RALYL: variants seen among roughly 807,000 people sequenced by gnomAD.
RALYL encodes RNA-binding Raly-like protein.
In RALYL, 29 loss-of-function variants were observed where a neutral mutation model predicts 35.1. The ratio of observed to expected loss-of-function variants is 0.83; its 90% CI spans 0.61 to 1.13. The LOEUF is 1.13. Among genes scored for constraint, RALYL ranks in the 50% most tolerant of loss-of-function variants. The probability of loss-of-function intolerance (pLI) is 0.00; values close to 1 mark genes in which losing one functional copy is unlikely to be tolerated. For missense variants in RALYL, 359 were observed against 360.4 expected (o/e 1.00, Z 0.03); for synonymous variants, 120 against 127.6 (o/e 0.94, Z 0.40).
rs571344002 is a variant in RALYL at position 84,701,072 on chromosome 8, A to G, written c.257-73507A>G. Among the ~76,000 whole-genome samples, 270 of 152,308 alleles carry G rather than the reference A, an allele frequency of 1.8e-3. 1 individual carries two copies. Among genetic ancestry groups the G allele is most frequent in the African/African-American group, 6.0e-3 (248 of 41,590 alleles). ...GATAAGATAAGGAGGAAAGGGTAAGAGAAGGGTCCCACCCATACATCAGGG... is the reference window on the plus strand; with the variant it reads ...GATAAGATAAGGAGGAAAGGGTAAGGGAAGGGTCCCACCCATACATCAGGG... On this transcript the variant is annotated intron_variant, in intron 2 of 8. Coordinates refer to ENST00000521268, the MANE Select transcript of RALYL (RefSeq NM_173848.7).
chr8:84,216,840 T>C (rs1820948432), intron 1 of RALYL, among the ~76,000 whole-genome samples: 2 of 152,284 alleles, frequency 1.3e-5, no homozygotes. Flanking sequence ...AAATTGGAAA[T>C]AGCAGGTGTA....
chr8:84,546,995 T>C (rs1170747429), intron 2 of RALYL, among the ~76,000 whole-genome samples: 1 of 152,188 alleles, frequency 6.6e-6, no homozygotes, highest in Non-Finnish European at 1.5e-5. Context: ...GGGATACATG[T>C]GCAGAACGTG....
intron 5 of RALYL, among the ~76,000 whole-genome samples, chr8:84,850,582 T>G (rs1032377044): frequency 1.3e-5 from 2 of 152,222 alleles, no homozygotes; most frequent in Non-Finnish European, 2.9e-5. Flanking sequence ...TTCTCTTCTC[T>G]ATAAACTAAT....
At chr8:84,509,109 C>A (rs2057402790) in intron 1 of RALYL, among the ~76,000 whole-genome samples, 2 of 152,128 alleles carry the variant, frequency 1.3e-5, no homozygotes, top group Admixed American at 1.3e-4. Context: ...AAGAGAAATT[C>A]CTAAAAATAA....
intron 1 of RALYL, among the ~76,000 whole-genome samples, chr8:84,344,332 T>C (rs1468952131): frequency 6.6e-6 from 1 of 152,088 alleles, no homozygotes; most frequent in Non-Finnish European, 1.5e-5. Flanking sequence ...ACTTTATAAT[T>C]GTATGTATTT....
intron 6 of RALYL, among the ~76,000 whole-genome samples, chr8:84,863,321 T>C (rs374273375): frequency 7.2e-5 from 11 of 152,092 alleles, no homozygotes; most frequent in African/African-American, 2.4e-4. Flanking sequence ...GGAGAGAAAA[T>C]GGTCAGTGCA....
chr8:84,193,941 T>C lies in RALYL; in HGVS notation c.-24+9517T>C, dbSNP rs543662773. Among the ~76,000 whole-genome samples, 554 of 152,238 alleles carry C rather than the reference T, an allele frequency of 3.6e-3. 3 individuals carry two copies. Among genetic ancestry groups the C allele is most frequent in the African/African-American group, 0.013 (534 of 41,552 alleles). Reference sequence around the variant, plus strand: ...CTGAGAAAGAGAGCAAGGGCAGCTCTACGAGATGAACAGAATAAGAACTGG... The same window carrying C: ...CTGAGAAAGAGAGCAAGGGCAGCTCCACGAGATGAACAGAATAAGAACTGG... On this transcript the variant is annotated intron_variant, in intron 1 of 8. Transcript: ENST00000521268.
chr8:84,657,172 G>A (rs186776937), intron 2 of RALYL, among the ~76,000 whole-genome samples: 8 of 152,212 alleles, frequency 5.3e-5, no homozygotes, highest in African/African-American at 1.9e-4. Context: ...TGTTGCAGTG[G>A]CAATTTCCTT....
At chr8:84,915,777 A>G (rs1047869776) in intron 8 of RALYL, among the ~76,000 whole-genome samples, 14 of 152,224 alleles carry the variant, frequency 9.2e-5, no homozygotes, top group Non-Finnish European at 1.8e-4. Context: ...ACATCATTAC[A>G]TCTTATCAAA....
chr8:84,272,974 A>G lies in RALYL; in HGVS notation c.-24+88550A>G, dbSNP rs547258016. Among the ~76,000 whole-genome samples, 7 of 152,370 alleles carry G rather than the reference A, an allele frequency of 4.6e-5. No homozygotes were observed. The East Asian group carries it at 5.8e-4, about 13-fold the overall frequency. Reference sequence around the variant, plus strand: ...TGTAGAGATGTAGACATAGTGATATACATTTGCTAGATTGATTCCTTTTAT... The same window carrying G: ...TGTAGAGATGTAGACATAGTGATATGCATTTGCTAGATTGATTCCTTTTAT... On this transcript the variant is annotated intron_variant, in intron 1 of 8. Transcript: ENST00000521268.
chr8:84,655,951 C>T (rs181284988), intron 2 of RALYL, among the ~76,000 whole-genome samples: 23 of 152,206 alleles, frequency 1.5e-4, no homozygotes, highest in East Asian at 1.2e-3. Flanking sequence ...TTATGCATTA[C>T]GGAGAACCAG....
At chr8:84,599,940 A>T (rs62528258) in intron 2 of RALYL, among the ~76,000 whole-genome samples, 14,922 of 140,728 alleles carry the variant, frequency 0.11, 990 homozygotes, top group South Asian at 0.29. Flanking sequence ...TTCTTCTGCC[A>T]TTATCTGTAA....
At chr8:84,860,708 T>C (rs950457474) in intron 5 of RALYL, among the ~76,000 whole-genome samples, 4 of 152,214 alleles carry the variant, frequency 2.6e-5, no homozygotes, top group Admixed American at 6.5e-5. Flanking sequence ...CTTTGCTTAG[T>C]CACAGAAGAT....
chr8:84,557,733 T>C (rs976584025), intron 2 of RALYL, among the ~76,000 whole-genome samples: 1 of 152,050 alleles, frequency 6.6e-6, no homozygotes, highest in Non-Finnish European at 1.5e-5. Context: ...ATCTATTTAC[T>C]ATAGAAAATT....
intron 1 of RALYL, among the ~76,000 whole-genome samples, chr8:84,447,906 G>A (rs1489698491): frequency 6.6e-6 from 1 of 152,016 alleles, no homozygotes; most frequent in East Asian, 1.9e-4. Flanking sequence ...CATGGAGGAA[G>A]TGAACGCATT....
chr8:84,528,959 C>T (rs937130469), intron 1 of RALYL, among the ~76,000 whole-genome samples: 36 of 152,054 alleles, frequency 2.4e-4, no homozygotes, highest in African/African-American at 8.2e-4. Context: ...TTTTTGGTTG[C>T]TGTTGATAGA....
intron 1 of RALYL, among the ~76,000 whole-genome samples, chr8:84,363,859 C>A (rs1853623463): frequency 6.6e-6 from 1 of 152,124 alleles, no homozygotes; most frequent in Non-Finnish European, 1.5e-5. Context: ...CATAGCATAG[C>A]AAGTCACCAA....
At chr8:84,488,867 T>G (rs560818678) in intron 1 of RALYL, among the ~76,000 whole-genome samples, 2 of 152,198 alleles carry the variant, frequency 1.3e-5, no homozygotes, top group East Asian at 3.9e-4. Context: ...ATTATAATTT[T>G]ATATTTACAA....
At chr8:84,778,682 G>T (rs1049802129) in intron 3 of RALYL, among the ~76,000 whole-genome samples, 2 of 152,164 alleles carry the variant, frequency 1.3e-5, no homozygotes, top group Non-Finnish European at 2.9e-5. Flanking sequence ...GAAAACTGGG[G>T]CATTATGGTG....
Sources: allele counts gnomAD v4.1 joint callset (sites outside exome capture counted in the v4.1 genomes callset), GRCh38; gene constraint gnomAD v4.1.1; transcripts MANE v1.5; gene names NCBI Gene and HGNC (gene_info 2026-07-23, HGNC 2026-07-21).